The following PREX1 variants were observed in gnomAD, a reference collection of about 807,000 sequenced individuals.
PREX1 encodes phosphatidylinositol-3,4,5-trisphosphate dependent Rac exchange factor 1, also known as phosphatidylinositol 3,4,5-trisphosphate-dependent Rac exchanger 1 protein.
A neutral mutation model predicts 198.3 loss-of-function variants in PREX1; 41 were observed. The observed-to-expected ratio is 0.21, with a 90% CI of 0.16 to 0.27. The LOEUF is 0.27. Among genes scored for constraint, PREX1 ranks in the 10% least tolerant of loss-of-function variants. PREX1 has a pLI of 1.00. For missense variants in PREX1, 1,620 were observed against 2,200.7 expected (o/e 0.74, Z 5.28); for synonymous variants, 843 against 887.2 (o/e 0.95, Z 0.89).
the PREX1 span, among the ~76,000 whole-genome samples, chr20:48,878,153 T>C: frequency 2.0e-5 from 3 of 152,154 alleles, no homozygotes; most frequent in Non-Finnish European, 4.4e-5. Flanking sequence ...CACAAGGCCC[T>C]ACCCAACATG....
intron 7 of PREX1, among the ~76,000 whole-genome samples, chr20:48,694,707 A>G (rs2089836581): frequency 6.6e-6 from 1 of 152,212 alleles, no homozygotes; most frequent in South Asian, 2.1e-4. Context: ...TAAATGAAAT[A>G]GGAGATAGGC....
In PREX1 at chr20:48,665,236, TCCAGATGGCCTGAATTCTAATCCCGCC is replaced by T. The variant is rs1229548991; in HGVS notation, c.1738+1020_1738+1046del. 5.0e-3 allele frequency among the ~76,000 whole-genome samples: 707 copies of T among 142,020 alleles called. 8 individuals are homozygous for T. Among genetic ancestry groups the T allele is most frequent in the African/African-American group, 0.018 (657 of 36,628 alleles). 93.2% of individuals were successfully genotyped at this position (142,020 alleles called of 152,430 possible). A position where few individuals can be genotyped will look rare whatever the true frequency, so the allele number is the denominator to read the frequency against. On this transcript the variant is annotated intron_variant, in intron 15 of 39. Transcript: ENST00000371941. ...AGACGGCCTGAATTATAATCCTGGC[TCCAGATGGCCTGAATTCTAATCCCGCC>T]CCAGACGGCCTGAATTCTAATCCCG...
Position 48,666,137 on chromosome 20 carries a change from G to A in PREX1, c.1738+146C>T. 1 of 740,820 alleles carries A rather than the reference G, an allele frequency of 1.3e-6. No homozygotes were observed. The highest frequency in any genetic ancestry group is 2.2e-6 in the Non-Finnish European group (1 of 450,556). 45.9% of individuals were successfully genotyped at this position (740,820 alleles called of 1,614,324 possible). A position where few individuals can be genotyped will look rare whatever the true frequency, so the allele number is the denominator to read the frequency against. ...TTCTCGATCGGTTCAGAACGGGAAG[G>A]GGAGGGAGGTGGGATTCGTGAGCCT... On this transcript the variant is annotated intron_variant, in intron 15 of 39. Transcript: ENST00000371941. This position sits in a 1 kb window ranked among gnomAD's most constrained non-coding sequence, Gnocchi z 4.3.
At position 48,686,553 on chromosome 20, in the gene PREX1, G is replaced by C. The variant is rs143754401; in HGVS notation, c.1334+2104C>G. 8.0e-3 allele frequency among the ~76,000 whole-genome samples: 1,215 copies of C among 152,340 alleles called. 6 individuals carry two copies. Among genetic ancestry groups the C allele is most frequent in the Middle Eastern group, 0.017 (5 of 294 alleles). ...GAGCAGTTTGGCAGGAGATGGGAAG[G>C]TTCTCTGGCCCCAGGGGGCCCGGAA... On this transcript the variant is annotated intron_variant, in intron 10 of 39. Coordinates refer to ENST00000371941, the MANE Select transcript of PREX1 (RefSeq NM_020820.4).
At chr20:48,737,996 G>A (rs547002549) in intron 3 of PREX1, among the ~76,000 whole-genome samples, 14 of 152,222 alleles carry the variant, frequency 9.2e-5, no homozygotes, top group East Asian at 7.7e-4. Flanking sequence ...TTTCTGTCAC[G>A]TACAGCAAAG....
intron 31 of PREX1, 120 bp downstream of exon 31, chr20:48,637,591 G>A (rs1476663868): frequency 1.9e-6 from 2 of 1,037,884 alleles, no homozygotes; most frequent in African/African-American, 1.6e-5. Flanking sequence ...AGTAGCTCTT[G>A]GAGGGGCTCC....
rs1483526524 is a variant in PREX1, at chr20:48,676,377, T to C, written c.1590-109A>G. The C allele has an allele frequency of 5.0e-6, 5 of 996,246 alleles. No homozygotes were observed. In the African/African-American group the frequency reaches 7.9e-5, roughly 16 times the overall value. 61.7% of individuals were successfully genotyped at this position (996,246 alleles called of 1,614,324 possible). On this transcript the variant is annotated intron_variant, in intron 13 of 39. Transcript: ENST00000371941. ...GCCCACGAGTCAAGGATCTCCAGGC[T>C]CTCTAGGCATTGGGCAGGGGTCCGA... is the stretch of plus-strand genomic sequence containing the variant.
the PREX1 span, among the ~76,000 whole-genome samples, chr20:48,874,372 CGTGTGTGTGTGTGTGTGTGT>C: frequency 2.1e-4 from 27 of 127,986 alleles, no homozygotes; most frequent in Middle Eastern, 8.1e-3. Context: ...GAGGGGTGTC[CGTGTGTGTGTGTGTGTGTGT>C]GTGTGTGTGT....
In PREX1 at chr20:48,625,762, C is replaced by T; in HGVS notation, c.*123G>A. 1.7e-6 allele frequency: 2 copies of T among 1,185,164 alleles called. No individual in the cohort carries two copies. Among genetic ancestry groups the T allele is most frequent in the Non-Finnish European group, 2.3e-6 (2 of 871,130 alleles). 73.4% of individuals were successfully genotyped at this position (1,185,164 alleles called of 1,614,324 possible). ...GGAAGGAGGCAGGGAGGACGCTGGGCAGGTCCCGGAACGGGCGGCTGCGGA... is the reference window on the plus strand; with the variant it reads ...GGAAGGAGGCAGGGAGGACGCTGGGTAGGTCCCGGAACGGGCGGCTGCGGA... On this transcript the variant is annotated 3_prime_UTR_variant, in exon 40 of 40. Coordinates refer to ENST00000371941, the MANE Select transcript of PREX1 (RefSeq NM_020820.4).
intron 1 of PREX1, among the ~76,000 whole-genome samples, chr20:48,776,238 T>C (rs2090260933): frequency 6.6e-6 from 1 of 151,542 alleles, no homozygotes; most frequent in African/African-American, 2.4e-5. Flanking sequence ...GCTAAAAGAG[T>C]GAAGCTAGAG....
intron 4 of PREX1, among the ~76,000 whole-genome samples, chr20:48,729,758 G>C (rs1196040964): frequency 6.6e-6 from 1 of 152,162 alleles, no homozygotes; most frequent in African/African-American, 2.4e-5. Flanking sequence ...ATCGCTTCCT[G>C]CCCGGACATT....
intron 5 of PREX1, among the ~76,000 whole-genome samples, chr20:48,709,872 A>G (rs1048915017): frequency 6.6e-6 from 1 of 152,212 alleles, no homozygotes; most frequent in Non-Finnish European, 1.5e-5. Context: ...CCAACTTCAA[A>G]CACATCCCTT....
intron 4 of PREX1, among the ~76,000 whole-genome samples, chr20:48,729,117 G>A (rs764555135): frequency 6.6e-6 from 1 of 151,042 alleles, no homozygotes; most frequent in Non-Finnish European, 1.5e-5. Context: ...TCATTCTGTC[G>A]CCCAGGCTGG....
At chr20:48,842,897 T>G in the PREX1 span, among the ~76,000 whole-genome samples, 1 of 152,174 alleles carries the variant, frequency 6.6e-6, no homozygotes, top group Non-Finnish European at 1.5e-5. Context: ...CTAATCATAA[T>G]ATATGCTCAA....
At chr20:48,739,458 T>C (rs115071545) in intron 3 of PREX1, among the ~76,000 whole-genome samples, 138 of 152,346 alleles carry the variant, frequency 9.1e-4, no homozygotes, top group African/African-American at 3.1e-3. Context: ...GGGTGTCCTT[T>C]GTTTTCATTT....
chr20:48,879,387 T>C, the PREX1 span, among the ~76,000 whole-genome samples: 2,043 of 152,344 alleles, frequency 0.013, 45 homozygotes, highest in African/African-American at 0.047. Flanking sequence ...ATACTGGTTA[T>C]TTAAATACTG....
chr20:48,663,664 G>A (rs1019875091), intron 15 of PREX1, among the ~76,000 whole-genome samples: 5 of 152,218 alleles, frequency 3.3e-5, no homozygotes, highest in East Asian at 1.9e-4. Context: ...CAGCTGTGAC[G>A]GAGTTTGCAG....
At chr20:48,872,259 G>A in the PREX1 span, among the ~76,000 whole-genome samples, 17 of 151,978 alleles carry the variant, frequency 1.1e-4, no homozygotes, top group African/African-American at 3.9e-4. Context: ...ATCCACATGC[G>A]TCACACCATG....
Position 48,681,103 on chromosome 20 carries a change from G to A in PREX1, c.1435+132C>T. 6.3e-6 allele frequency: 5 copies of A among 787,888 alleles called. No individual in the cohort carries two copies. The South Asian group carries it at 8.1e-5, about 13-fold the overall frequency. 48.8% of individuals were successfully genotyped at this position (787,888 alleles called of 1,614,324 possible). ...TACAAGGGCATCCATGTTCCTGCGG[G>A]CCACACTGTGCCCAGAAAACACGGC... On this transcript the variant is annotated intron_variant, in intron 11 of 39. Coordinates refer to ENST00000371941, the MANE Select transcript of PREX1 (RefSeq NM_020820.4).
Sources: allele counts gnomAD v4.1 joint callset (sites outside exome capture counted in the v4.1 genomes callset), GRCh38; gene constraint gnomAD v4.1.1; non-coding constraint Gnocchi (gnomAD v3.1); transcripts MANE v1.5; gene names NCBI Gene and HGNC (gene_info 2026-07-23, HGNC 2026-07-21).